TMEM237: variants seen among roughly 807,000 people sequenced by gnomAD.
The protein encoded by TMEM237 is transmembrane protein 237, also known as amyotrophic lateral sclerosis 2 (juvenile) chromosome region, candidate 4.
A neutral mutation model predicts 59.1 loss-of-function variants in TMEM237; 51 were observed. The ratio of observed to expected loss-of-function variants is 0.86; its 90% CI spans 0.69 to 1.09. The LOEUF (loss-of-function observed/expected upper bound fraction) is 1.09, where lower values mean the gene tolerates loss of function less well. Among genes scored for constraint, TMEM237 ranks in the 50% least tolerant of loss-of-function variants. The pLI is 0.00. For missense variants in TMEM237, 475 were observed against 478.3 expected, an observed-to-expected ratio of 0.99 and a Z score of 0.06; for synonymous variants, 140 against 166.1, an observed-to-expected ratio of 0.84 and a Z score of 1.21.
rs1574589401 is a variant in TMEM237 at position 201,642,881 on chromosome 2, G to A, written c.42+478C>T. Reference sequence around the variant, plus strand: ...GCCCAGGAGCAGAAATCTGGCGACCGTGGCGCTGCAATCACAGCTTTCCCG... The same window carrying A: ...GCCCAGGAGCAGAAATCTGGCGACCATGGCGCTGCAATCACAGCTTTCCCG... On this transcript the variant is annotated intron_variant, in intron 1 of 12. Coordinates refer to ENST00000409883, the MANE Select transcript of TMEM237 (RefSeq NM_001044385.3). 1.2e-5 allele frequency: 16 copies of A among 1,337,076 alleles called. No homozygotes were observed. The East Asian group carries it at 5.0e-4, about 42-fold the overall frequency. The allele number at this position is 1,337,076 out of a possible 1,614,324, so 82.8% of individuals were successfully genotyped here.
At chr2:201,631,934 GTA>G in intron 7 of TMEM237, 115 bp downstream of exon 7, 2 of 1,085,538 alleles carry the variant, frequency 1.8e-6, no homozygotes, top group Non-Finnish European at 1.3e-6. Flanking sequence ...CCAGTTTTGT[GTA>G]TAAATTGTTG....
rs1376189485 is a variant in TMEM237, at chr2:201,628,103, G to A, written c.916C>T (p.Leu306=). 2 of 1,608,036 alleles carry A rather than the reference G, an allele frequency of 1.2e-6. No homozygotes were observed. Among genetic ancestry groups the A allele is most frequent in the South Asian group, 1.1e-5 (1 of 89,660 alleles). ...ISVAIRNFLA[L]DPTALASFLY... is the part of the protein sequence containing the mutation. ...AAAGATGCTAAAGCTGTAGGATCCA[G>A]GGCCAAAAAATTTCGGATTGCTACT... Residue 306 remains leucine, a synonymous_variant, in exon 10 of 13, where the codon CTG becomes TTG. Transcript: ENST00000409883.
intron 1 of TMEM237, chr2:201,642,717 T>C: frequency 1.9e-6 from 3 of 1,543,654 alleles, no homozygotes; most frequent in Non-Finnish European, 2.6e-6. Flanking sequence ...GCGCAATGCG[T>C]CATCGGGCCG....
chr2:201,626,397 G>A (rs1049497535), intron 11 of TMEM237: 2 of 288,380 alleles, frequency 6.9e-6, no homozygotes, highest in Admixed American at 4.7e-5. Context: ...GTATTCCCAA[G>A]AAAATTCTCT....
At chr2:201,629,517 C>T in intron 8 of TMEM237, 96 bp from the exon 9 acceptor site, 1 of 1,359,640 alleles carries the variant, frequency 7.4e-7, no homozygotes, top group Non-Finnish European at 9.7e-7. Context: ...TAAAATTCAA[C>T]ATTTCATGAC....
chr2:201,627,519 A>G (rs1262705845), intron 10 of TMEM237, 105 bp from the exon 11 acceptor site: 1 of 705,178 alleles, frequency 1.4e-6, no homozygotes, highest in East Asian at 2.8e-5. Flanking sequence ...GACTGATGAT[A>G]TAAAAGAAAT....
intron 7 of TMEM237, 31 bp from the exon 8 acceptor site, chr2:201,629,883 T>A: frequency 6.3e-7 from 1 of 1,594,676 alleles, no homozygotes; most frequent in Non-Finnish European, 8.5e-7. Context: ...TACTAACAAC[T>A]AGCGAGAGAG....
Position 201,624,304 on chromosome 2 carries a change from T to A in TMEM237, c.1178A>T (p.Glu393Val), listed in dbSNP as rs1461138116. 2 of 1,612,152 alleles carry A rather than the reference T, an allele frequency of 1.2e-6. No homozygotes were observed. Among genetic ancestry groups the A allele is most frequent in the Non-Finnish European group, 1.7e-6 (2 of 1,178,958 alleles). ...CTCTTTATCAGGATATTCTTCCACCTCTGAGGAGAACATTAACTCTGGAGA... is the reference window on the plus strand; with the variant it reads ...CTCTTTATCAGGATATTCTTCCACCACTGAGGAGAACATTAACTCTGGAGA... ...DLSEELMFSS[E>V]VEEYPDKEKE... Residue 393 changes from glutamate to valine, a missense_variant, in exon 13 of 13, where the codon GAG (glutamate) becomes GTG (valine). Glu to Val is a moderately radical substitution (Grantham distance 121, BLOSUM62 -2). Transcript: ENST00000409883.
chr2:201,625,423 G>A (rs985474510), intron 12 of TMEM237, among the ~76,000 whole-genome samples: 3 of 151,772 alleles, frequency 2.0e-5, no homozygotes, highest in African/African-American at 7.3e-5. Flanking sequence ...ATTGGCCAAG[G>A]AAACACAATT....
chr2:201,641,997 C>A (rs1169975820), intron 1 of TMEM237, among the ~76,000 whole-genome samples: 1 of 152,092 alleles, frequency 6.6e-6, no homozygotes, highest in Non-Finnish European at 1.5e-5. Context: ...CAATGGGAAA[C>A]AAATGGAGGT....
intron 2 of TMEM237, 23 bp from the exon 3 acceptor site, chr2:201,640,288 A>T: frequency 6.4e-7 from 1 of 1,550,876 alleles, no homozygotes; most frequent in Non-Finnish European, 8.6e-7. Flanking sequence ...ATAACACCAA[A>T]CAAATTTAAT....
At chr2:201,631,863 TCTC>T (rs1461453262) in intron 7 of TMEM237, among the ~76,000 whole-genome samples, 185 bp downstream of exon 7, 2 of 152,324 alleles carry the variant, frequency 1.3e-5, no homozygotes, top group Non-Finnish European at 2.9e-5. Context: ...ACATTATTCC[TCTC>T]CTATTTCACA....
At position 201,629,265 on chromosome 2, in the gene TMEM237, C is replaced by A; in HGVS notation, c.834G>T (p.Leu278Phe). 1 of 1,586,026 alleles carries A rather than the reference C, an allele frequency of 6.3e-7. No homozygotes were observed. Among genetic ancestry groups the A allele is most frequent in the Non-Finnish European group, 8.5e-7 (1 of 1,171,614 alleles). ...CTGAAATTGTACTCAGAGCCAAAAGCAAGTACAGAAGACTCTGGAATGGAT... is the reference window on the plus strand; with the variant it reads ...CTGAAATTGTACTCAGAGCCAAAAGAAAGTACAGAAGACTCTGGAATGGAT... ...LAYPFQSLLY[L>F]LLALSTISAF... Residue 278 changes from leucine (L) to phenylalanine (F), a missense_variant, in exon 9 of 13, where the codon TTG becomes TTT. Physicochemically the swap from Leu to Phe is conservative, Grantham distance 22 (BLOSUM62 0). Transcript: ENST00000409883.
intron 2 of TMEM237, 92 bp from the exon 3 acceptor site, chr2:201,640,357 A>C: frequency 8.0e-7 from 1 of 1,249,376 alleles, no homozygotes; most frequent in Non-Finnish European, 1.1e-6. Context: ...ATTCACAGTG[A>C]AAATTGACTT....
At chr2:201,630,279 C>T (rs1164390894) in intron 7 of TMEM237, among the ~76,000 whole-genome samples, 1 of 152,104 alleles carries the variant, frequency 6.6e-6, no homozygotes, top group African/African-American at 2.4e-5. Flanking sequence ...CTTTAAATTT[C>T]TTAGGAAAAG....
At position 201,643,236 on chromosome 2, in the gene TMEM237, G is replaced by A. The variant is rs1433609407; in HGVS notation, c.42+123C>T. The A allele has an allele frequency of 6.2e-6, 7 of 1,121,606 alleles. No individual in the cohort carries two copies. Among genetic ancestry groups the A allele is most frequent in the East Asian group, 3.1e-5 (1 of 32,198 alleles). 69.5% of individuals were successfully genotyped at this position (1,121,606 alleles called of 1,614,324 possible). A position where few individuals can be genotyped will look rare whatever the true frequency, so the allele number is the denominator to read the frequency against. ...GGAGGGGCGGATGCGCGCACCCCAC[G>A]AGCAAGGCCCTCCCTTAGTGATTCC... On this transcript the variant is annotated intron_variant, in intron 1 of 12. Coordinates refer to ENST00000409883, the MANE Select transcript of TMEM237 (RefSeq NM_001044385.3). The surrounding 1 kb of genome is among the most constrained non-coding windows in gnomAD (Gnocchi z 4.3).
chr2:201,626,829 C>T (rs976557482), intron 11 of TMEM237, among the ~76,000 whole-genome samples: 12 of 152,206 alleles, frequency 7.9e-5, no homozygotes, highest in African/African-American at 2.9e-4. Flanking sequence ...TGCCTATAAT[C>T]CCAACAATAT....
intron 6 of TMEM237, among the ~76,000 whole-genome samples, chr2:201,632,580 T>G (rs570421547): frequency 2.0e-5 from 3 of 152,300 alleles, no homozygotes; most frequent in Non-Finnish European, 2.9e-5. Flanking sequence ...TCTCAGGAGA[T>G]CTGATCGTTT....
At chr2:201,642,127 GAA>G (rs1293908761) in intron 1 of TMEM237, among the ~76,000 whole-genome samples, 5 of 152,202 alleles carry the variant, frequency 3.3e-5, no homozygotes. Flanking sequence ...ACATGAATAA[GAA>G]AAGTGTTTGT....
Sources: gnomAD v4.1 joint callset for allele counts (sites outside exome capture counted in the v4.1 genomes callset) on GRCh38, gnomAD v4.1.1 for gene constraint, Gnocchi (gnomAD v3.1) non-coding constraint, MANE v1.5 for transcripts, NCBI Gene and HGNC (gene_info 2026-07-23, HGNC 2026-07-21) for gene names.